The following DCTN4 variants were observed in gnomAD, a reference collection of about 807,000 sequenced individuals.
DCTN4 encodes the protein dynactin 4 (p62).
Under a neutral mutation model 62.7 loss-of-function variants are expected in DCTN4, and 23 were observed. The observed-to-expected ratio is 0.37, with a 90% confidence interval of 0.26 to 0.52. DCTN4 has a LOEUF of 0.52. DCTN4 is among the 20% of genes least tolerant of loss of function. DCTN4 has a pLI of 0.92. For missense variants in DCTN4, 514 were observed against 580.4 expected, an observed-to-expected ratio of 0.89 and a Z score of 1.18; for synonymous variants, 199 against 202.1, an observed-to-expected ratio of 0.98 and a Z score of 0.13.
At chr5:150,729,042 C>CCTTTTTTTTTTTTTTTTT (rs762124472) in intron 8 of DCTN4, among the ~76,000 whole-genome samples, 9 of 52,140 alleles carry the variant, frequency 1.7e-4, no homozygotes, top group East Asian at 5.2e-4. Flanking sequence ...ACCACACTGG[C>CCTTTTTTTTTTTTTTTTT]TTTTTTTTTT....
chr5:150,732,944 T>TA (rs1561698870), intron 5 of DCTN4, among the ~76,000 whole-genome samples: 1 of 152,092 alleles, frequency 6.6e-6, no homozygotes, highest in Non-Finnish European at 1.5e-5. Context: ...GGGAGGATGT[T>TA]AAAAAAATTA....
intron 1 of DCTN4, 110 bp downstream of exon 1, chr5:150,758,749 A>G (rs1339846020): frequency 6.8e-7 from 1 of 1,479,172 alleles, no homozygotes; most frequent in Non-Finnish European, 9.2e-7. Context: ...GACGGAAGAC[A>G]TAACCAATCA....
intron 9 of DCTN4, among the ~76,000 whole-genome samples, chr5:150,721,140 C>G (rs1277692359): frequency 6.6e-6 from 1 of 152,178 alleles, no homozygotes; most frequent in Admixed American, 6.5e-5. Context: ...GTGACAGACC[C>G]TCTTCCTGGC....
At position 150,753,458 on chromosome 5, in the gene DCTN4, A is replaced by G. The variant is rs1394046464; in HGVS notation, c.385+21T>C. 3 of 1,606,906 alleles carry G rather than the reference A, an allele frequency of 1.9e-6. No homozygotes were observed. The African/African-American group carries it at 4.0e-5, about 21-fold the overall frequency. The stretch of plus-strand genomic sequence containing the variant: ...CACTGTCAATTGTACAAAATTTCAT[A>G]TTGAAGTCCATCTCACTCACCTACA... On this transcript the variant is annotated intron_variant, in intron 3 of 12. Transcript: ENST00000447998.
intron 3 of DCTN4, among the ~76,000 whole-genome samples, chr5:150,748,477 C>T (rs1321770623): frequency 1.3e-5 from 2 of 151,880 alleles, no homozygotes; most frequent in African/African-American, 2.4e-5. Flanking sequence ...GCTATAAAGA[C>T]ACATGCACAC....
rs769747601 is a variant in DCTN4 at position 150,722,904 on chromosome 5, T to G, written c.908+3A>C. On this transcript the variant is annotated splice_donor_region_variant and intron_variant, in intron 9 of 12. Transcript: ENST00000447998. ...CTGAAAACACCAATCCCAAAATACTTACACAGCGACCAGCTGGATTTTGAA... is the reference window on the plus strand; with the variant it reads ...CTGAAAACACCAATCCCAAAATACTGACACAGCGACCAGCTGGATTTTGAA... 1.2e-5 allele frequency: 19 copies of G among 1,611,052 alleles called. No individual in the cohort carries two copies. The highest frequency in any genetic ancestry group is 1.6e-5 in the Non-Finnish European group (19 of 1,178,200).
intron 8 of DCTN4, among the ~76,000 whole-genome samples, chr5:150,729,899 C>T (rs1009748027): frequency 6.6e-5 from 10 of 152,004 alleles, no homozygotes; most frequent in African/African-American, 2.4e-4. Context: ...TCCCCTGGGC[C>T]CTTTCTTTCT....
intron 5 of DCTN4, among the ~76,000 whole-genome samples, chr5:150,732,478 A>G (rs1760422881): frequency 6.6e-6 from 1 of 152,176 alleles, no homozygotes; most frequent in South Asian, 2.1e-4. Flanking sequence ...TATGGACTTT[A>G]CCAACCCTTA....
At chr5:150,746,266 C>T (rs190226238) in intron 3 of DCTN4, among the ~76,000 whole-genome samples, 6,267 of 150,764 alleles carry the variant, frequency 0.042, 455 homozygotes, top group African/African-American at 0.15. Context: ...TCTGAATAGA[C>T]CAATAACAGG....
intron 3 of DCTN4, among the ~76,000 whole-genome samples, chr5:150,753,122 C>T (rs1032181294): frequency 6.6e-6 from 1 of 152,214 alleles, no homozygotes; most frequent in African/African-American, 2.4e-5. Flanking sequence ...GCCTCAACCT[C>T]CCAAAGTGCT....
chr5:150,741,838 G>C (rs1353669354), intron 4 of DCTN4, among the ~76,000 whole-genome samples: 2 of 152,180 alleles, frequency 1.3e-5, no homozygotes, highest in Non-Finnish European at 2.9e-5. Context: ...TCACTGGTGG[G>C]TTGTGTGAAG....
At chr5:150,737,465 T>C (rs1760623706) in intron 4 of DCTN4, among the ~76,000 whole-genome samples, 1 of 152,142 alleles carries the variant, frequency 6.6e-6, no homozygotes, top group Admixed American at 6.5e-5. Flanking sequence ...CAAAAGGAAC[T>C]CTTGAAACGA....
intron 3 of DCTN4, among the ~76,000 whole-genome samples, chr5:150,744,259 G>C (rs1377220733): frequency 1.3e-5 from 2 of 151,940 alleles, no homozygotes; most frequent in Admixed American, 1.3e-4. Flanking sequence ...AAAAAGAAAC[G>C]AACAAAGCCT....
intron 4 of DCTN4, among the ~76,000 whole-genome samples, chr5:150,739,290 T>C (rs1760690276): frequency 6.6e-6 from 1 of 150,702 alleles, no homozygotes; most frequent in South Asian, 2.1e-4. Flanking sequence ...GAGAATAAAA[T>C]CAAGAACTCA....
chr5:150,722,244 G>C (rs1281928263), intron 9 of DCTN4, among the ~76,000 whole-genome samples: 1 of 152,154 alleles, frequency 6.6e-6, no homozygotes, highest in Non-Finnish European at 1.5e-5. Flanking sequence ...TCCAAAGCTA[G>C]ACAATACTTT....
At chr5:150,729,041 G>A (rs1760256693) in intron 8 of DCTN4, among the ~76,000 whole-genome samples, 2 of 79,152 alleles carry the variant, frequency 2.5e-5, no homozygotes, top group African/African-American at 9.4e-5. Context: ...CACCACACTG[G>A]CTTTTTTTTT....
At chr5:150,724,459 A>T (rs1760067625) in intron 8 of DCTN4, among the ~76,000 whole-genome samples, 1 of 152,206 alleles carries the variant, frequency 6.6e-6, no homozygotes, top group African/African-American at 2.4e-5. Context: ...ACTTTTAATG[A>T]AGTAAAATAT....
At chr5:150,727,084 G>A (rs114622541) in intron 8 of DCTN4, among the ~76,000 whole-genome samples, 1 of 152,116 alleles carries the variant, frequency 6.6e-6, no homozygotes, top group African/African-American at 2.4e-5. Context: ...GGATAATGGC[G>A]GGGAGGATTG....
At position 150,711,108 on chromosome 5, in the gene DCTN4, G is replaced by A. The variant is rs760310764; in HGVS notation, c.*41C>T. 2.9e-5 allele frequency: 46 copies of A among 1,575,686 alleles called. No homozygotes were observed. In the East Asian group the frequency reaches 3.6e-4, roughly 12 times the overall value. On this transcript the variant is annotated 3_prime_UTR_variant, in exon 13 of 13. Transcript: ENST00000447998. Reference sequence around the variant, plus strand: ...CTTCCACATTTTAACGCAGGTTTACGGTGATACTGTCCTTTGGGATCTGCC... The same window carrying A: ...CTTCCACATTTTAACGCAGGTTTACAGTGATACTGTCCTTTGGGATCTGCC...
Sources: gnomAD v4.1 joint callset for allele counts (sites outside exome capture counted in the v4.1 genomes callset) on GRCh38, gnomAD v4.1.1 for gene constraint, MANE v1.5 for transcripts, NCBI Gene and HGNC (gene_info 2026-07-23, HGNC 2026-07-21) for gene names.